Variants in IL1RAPL2 observed in about 807,000 individuals in gnomAD.
IL1RAPL2 encodes interleukin 1 receptor accessory protein like 2, also known as X-linked interleukin-1 receptor accessory protein-like 2.
In IL1RAPL2, 3 loss-of-function variants were observed where a neutral mutation model predicts 44.1. The ratio of observed to expected loss-of-function variants is 0.07; its 90% CI spans 0.03 to 0.18. The LOEUF (loss-of-function observed/expected upper bound fraction) is 0.18. Ranked by LOEUF, IL1RAPL2 falls within the 10% of genes least tolerant of loss-of-function variation. IL1RAPL2 has a pLI of 1.00. For missense variants in IL1RAPL2, 391 were observed against 496.4 expected, an observed-to-expected ratio of 0.79 and a Z score of 2.02; for synonymous variants, 181 against 178.8, an observed-to-expected ratio of 1.01 and a Z score of -0.10.
intron 6 of IL1RAPL2, among the ~76,000 whole-genome samples, chrX:105,555,386 C>A (rs945048314): frequency 9.0e-6 from 1 of 111,408 alleles, no homozygotes; most frequent in African/African-American, 3.3e-5. Context: ...TCCCTTCTTT[C>A]AGGGATCAAA....
rs968886159 is a variant in IL1RAPL2 at position 104,834,456 on chromosome X, G to T, written c.82+175461G>T. 2.7e-5 allele frequency among the ~76,000 whole-genome samples: 3 copies of T among 111,204 alleles called. No homozygotes were observed. In the East Asian group the frequency reaches 8.5e-4, roughly 31 times the overall value. Reference sequence around the variant, plus strand: ...ATTATTGGCTTGATAAAGTCAATTTGCATTCCCTGAACACCCACTACAAAA... The same window carrying T: ...ATTATTGGCTTGATAAAGTCAATTTTCATTCCCTGAACACCCACTACAAAA... On this transcript the variant is annotated intron_variant, in intron 2 of 10. Coordinates refer to ENST00000372582, the MANE Select transcript of IL1RAPL2 (RefSeq NM_017416.2).
At chrX:104,805,052 C>T (rs1932912435) in intron 2 of IL1RAPL2, among the ~76,000 whole-genome samples, 1 of 111,778 alleles carries the variant, frequency 8.9e-6, no homozygotes, top group South Asian at 3.7e-4. Flanking sequence ...TTTTCTCTGC[C>T]TAAAACGTCC....
chrX:104,894,423 A>G (rs965424419), intron 2 of IL1RAPL2, among the ~76,000 whole-genome samples: 11 of 111,930 alleles, frequency 9.8e-5, no homozygotes, highest in African/African-American at 3.6e-4. Context: ...TGGTACACCA[A>G]TCAGATGTAG....
intron 1 of IL1RAPL2, among the ~76,000 whole-genome samples, chrX:104,585,363 ATATATAT>A (rs1928531753): frequency 4.2e-5 from 1 of 23,975 alleles, no homozygotes; most frequent in Non-Finnish European, 5.6e-5. Flanking sequence ...TATATATATT[ATATATAT>A]TATATATAAT....
chrX:104,982,181 A>G lies in IL1RAPL2; in HGVS notation c.83-213294A>G, dbSNP rs186216388. 2.4e-3 allele frequency among the ~76,000 whole-genome samples: 266 copies of G among 110,957 alleles called. 2 individuals carry two copies. Among genetic ancestry groups the G allele is most frequent in the African/African-American group, 8.2e-3 (252 of 30,593 alleles). On this transcript the variant is annotated intron_variant, in intron 2 of 10. Transcript: ENST00000372582. ...AAAACTGATCACGTGATTCCTGTTC[A>G]TTAATACCCCTTATAATCTTCTGTT...
At chrX:104,896,614 C>T (rs779049908) in intron 2 of IL1RAPL2, among the ~76,000 whole-genome samples, 1 of 111,554 alleles carries the variant, frequency 9.0e-6, no homozygotes, top group Non-Finnish European at 1.9e-5. Context: ...TGTAAATGCA[C>T]CAAGCAGCAC....
chrX:104,907,026 C>G (rs1924035543), intron 2 of IL1RAPL2, among the ~76,000 whole-genome samples: 1 of 110,848 alleles, frequency 9.0e-6, no homozygotes, highest in East Asian at 2.8e-4. Flanking sequence ...CTGGTTTAGT[C>G]TTGGGAGAGT....
intron 2 of IL1RAPL2, among the ~76,000 whole-genome samples, chrX:104,728,902 A>G (rs145924102): frequency 0.02 from 2,274 of 111,883 alleles, 24 homozygotes; most frequent in Non-Finnish European, 0.034. Flanking sequence ...ATGGATCAAG[A>G]CACTTGAAAA....
At chrX:105,235,133 G>A (rs782780752) in intron 4 of IL1RAPL2, among the ~76,000 whole-genome samples, 2 of 112,036 alleles carry the variant, frequency 1.8e-5, no homozygotes, top group East Asian at 5.6e-4. Context: ...AAGCCAGGGG[G>A]CAGAGGCAGG....
chrX:105,099,453 CTTTTTTTTTTTTTT>C (rs36063657), intron 2 of IL1RAPL2, among the ~76,000 whole-genome samples: 2 of 35,833 alleles, frequency 5.6e-5, no homozygotes, highest in Non-Finnish European at 1.1e-4. Flanking sequence ...GTGCCACATA[CTTTTTTTTTTTTTT>C]TTTTTTTTTT....
intron 6 of IL1RAPL2, among the ~76,000 whole-genome samples, chrX:105,604,812 C>T (rs1040555623): frequency 2.2e-4 from 24 of 110,998 alleles, no homozygotes; most frequent in African/African-American, 6.5e-4. Flanking sequence ...AAGACATGGT[C>T]ACAAAGATGG....
chrX:104,884,756 C>G (rs1210935764), intron 2 of IL1RAPL2, among the ~76,000 whole-genome samples: 1 of 111,480 alleles, frequency 9.0e-6, no homozygotes. Flanking sequence ...AAGGAGAATA[C>G]ACAACTATGC....
intron 10 of IL1RAPL2, among the ~76,000 whole-genome samples, chrX:105,759,130 T>C (rs2038665020): frequency 8.9e-6 from 1 of 111,893 alleles, no homozygotes; most frequent in African/African-American, 3.2e-5. Flanking sequence ...AGTGTTTCTG[T>C]AGAGATTAAA....
intron 5 of IL1RAPL2, among the ~76,000 whole-genome samples, chrX:105,436,560 T>G (rs2147753317): frequency 9.0e-6 from 1 of 111,473 alleles, no homozygotes; most frequent in Non-Finnish European, 1.9e-5. Flanking sequence ...GGATATGATT[T>G]AATAACCAAT....
chrX:104,874,123 A>G (rs180998781), intron 2 of IL1RAPL2, among the ~76,000 whole-genome samples: 1 of 110,110 alleles, frequency 9.1e-6, no homozygotes, highest in Admixed American at 9.7e-5. Context: ...GATTATCATC[A>G]TTATCATATC....
chrX:105,671,931 G>A (rs2037827995), intron 6 of IL1RAPL2, among the ~76,000 whole-genome samples: 1 of 110,475 alleles, frequency 9.1e-6, no homozygotes, highest in Admixed American at 9.7e-5. Flanking sequence ...CCTCCATTCT[G>A]TTTTTGAGCC....
intron 2 of IL1RAPL2, among the ~76,000 whole-genome samples, chrX:104,949,397 G>GT (rs955446044): frequency 9.1e-6 from 1 of 109,736 alleles, no homozygotes; most frequent in Non-Finnish European, 1.9e-5. Context: ...TTTTTGAAGG[G>GT]TTTTTTGTGT....
At chrX:105,263,973 T>C (rs919974646) in intron 4 of IL1RAPL2, among the ~76,000 whole-genome samples, 21 of 111,659 alleles carry the variant, frequency 1.9e-4, no homozygotes, top group Middle Eastern at 4.6e-3. Flanking sequence ...AGACTTGACC[T>C]ATGCACTTCA....
At chrX:105,077,448 C>A (rs1210433934) in intron 2 of IL1RAPL2, among the ~76,000 whole-genome samples, 1 of 111,685 alleles carries the variant, frequency 9.0e-6, no homozygotes, top group Non-Finnish European at 1.9e-5. Context: ...TGTGGGTAAC[C>A]AGACCTTTCT....
Sources: gnomAD v4.1 joint callset for allele counts (sites outside exome capture counted in the v4.1 genomes callset) on GRCh38, gnomAD v4.1.1 for gene constraint, MANE v1.5 for transcripts, NCBI Gene and HGNC (gene_info 2026-07-23, HGNC 2026-07-21) for gene names.